NEGR1: variants seen among roughly 807,000 people sequenced by gnomAD.
NEGR1 encodes the protein IgLON family member 4.
Under a neutral mutation model 40.9 loss-of-function variants are expected in NEGR1, and 10 were observed. That is an observed-to-expected ratio of 0.24 (90% confidence interval 0.15 to 0.42). The LOEUF is 0.42. Ranked by LOEUF, NEGR1 falls within the 10% of genes least tolerant of loss-of-function variation. NEGR1 has a pLI of 1.00. For missense variants in NEGR1, 352 were observed against 438.9 expected, an observed-to-expected ratio of 0.80 and a Z score of 1.77; for synonymous variants, 185 against 166.8, an observed-to-expected ratio of 1.11 and a Z score of -0.84.
intron 1 of NEGR1, among the ~76,000 whole-genome samples, chr1:72,072,964 C>T (rs1647535041): frequency 2.0e-5 from 3 of 152,100 alleles, no homozygotes; most frequent in Non-Finnish European, 4.4e-5. Flanking sequence ...TTTGGTTTAG[C>T]TGCTGTCCAA....
At chr1:71,795,663 T>C (rs1172557962) in intron 2 of NEGR1, among the ~76,000 whole-genome samples, 1 of 152,160 alleles carries the variant, frequency 6.6e-6, no homozygotes, top group African/African-American at 2.4e-5. Flanking sequence ...TGTTACGTTG[T>C]ATAATATAAT....
chr1:71,988,516 G>A (rs559318343), intron 1 of NEGR1, among the ~76,000 whole-genome samples: 44 of 126,734 alleles, frequency 3.5e-4, no homozygotes, highest in African/African-American at 1.1e-3. Context: ...TCCGCAGTCC[G>A]TCCTGGGCGA....
chr1:71,979,428 A>C (rs1646335898), intron 1 of NEGR1, among the ~76,000 whole-genome samples: 1 of 152,166 alleles, frequency 6.6e-6, no homozygotes, highest in Non-Finnish European at 1.5e-5. Context: ...AAATAGAAAT[A>C]ATACCACTTC....
At position 71,646,899 on chromosome 1, in the gene NEGR1, A is replaced by G. The variant is rs565264966; in HGVS notation, c.668-35753T>C. On this transcript the variant is annotated intron_variant, in intron 4 of 6. Transcript: ENST00000357731. The stretch of plus-strand genomic sequence containing the variant: ...ATAAATTATTGTCCCTGCATATATT[A>G]ATATTTCTACTAATAATTATTATTT... Among the ~76,000 whole-genome samples, 7 of 151,914 alleles carry G rather than the reference A, an allele frequency of 4.6e-5. No individual in the cohort carries two copies. In the East Asian group the frequency reaches 1.4e-3, roughly 29 times the overall value.
intron 4 of NEGR1, among the ~76,000 whole-genome samples, chr1:71,669,615 C>T (rs577584521): frequency 4.6e-5 from 7 of 151,974 alleles, no homozygotes; most frequent in Non-Finnish European, 1.0e-4. Flanking sequence ...TTTTATTATT[C>T]TTACTTTTAT....
Position 71,842,804 on chromosome 1 carries a change from C to T in NEGR1, c.410-66507G>A, listed in dbSNP as rs550014215. Reference sequence around the variant, plus strand: ...GTTATCATTAAATTAACATCATTATCGTATATCTTAACTTAGCAAGCTCTG... The same window carrying T: ...GTTATCATTAAATTAACATCATTATTGTATATCTTAACTTAGCAAGCTCTG... On this transcript the variant is annotated intron_variant, in intron 2 of 6. Transcript: ENST00000357731. Among the ~76,000 whole-genome samples, 21 of 152,228 alleles carry T rather than the reference C, an allele frequency of 1.4e-4. No homozygotes were observed. The South Asian group carries it at 3.7e-3, about 27-fold the overall frequency.
At chr1:72,145,326 T>A (rs1650865879) in intron 1 of NEGR1, among the ~76,000 whole-genome samples, 1 of 152,168 alleles carries the variant, frequency 6.6e-6, no homozygotes, top group Admixed American at 6.6e-5. Flanking sequence ...AGTATTCCCA[T>A]GTAGTTTTAT....
chr1:72,043,079 T>C (rs1646970167), intron 1 of NEGR1, among the ~76,000 whole-genome samples: 1 of 151,866 alleles, frequency 6.6e-6, no homozygotes, highest in South Asian at 2.1e-4. Context: ...TAAAAGCAAA[T>C]ATCTGCTGTA....
intron 1 of NEGR1, among the ~76,000 whole-genome samples, chr1:72,034,244 G>A (rs974921831): frequency 1.3e-5 from 2 of 152,164 alleles, no homozygotes; most frequent in Admixed American, 6.5e-5. Flanking sequence ...AAACCACACA[G>A]GTGTGTTACT....
chr1:72,275,268 T>G, intron 1 of NEGR1: 1 of 540,076 alleles, frequency 1.9e-6, no homozygotes, highest in Non-Finnish European at 3.3e-6. Context: ...CCACATTTTT[T>G]TCTGTAATAG....
At chr1:71,975,171 G>A (rs528947188) in intron 1 of NEGR1, among the ~76,000 whole-genome samples, 54 of 152,266 alleles carry the variant, frequency 3.5e-4, no homozygotes, top group South Asian at 4.1e-4. Flanking sequence ...CATTCCTATG[G>A]TAAGGTAGAA....
chr1:71,619,446 A>G (rs890662648), intron 4 of NEGR1, among the ~76,000 whole-genome samples: 2 of 152,048 alleles, frequency 1.3e-5, no homozygotes, highest in African/African-American at 4.8e-5. Context: ...TTCTTTTTGT[A>G]TATATAGCCT....
chr1:71,622,511 T>A (rs1275705552), intron 4 of NEGR1, among the ~76,000 whole-genome samples: 1 of 151,968 alleles, frequency 6.6e-6, no homozygotes, highest in Non-Finnish European at 1.5e-5. Flanking sequence ...ACTCTTTAGA[T>A]CCCTGTAAAA....
chr1:71,537,040 C>T (rs1489510206), intron 6 of NEGR1, among the ~76,000 whole-genome samples: 1 of 151,642 alleles, frequency 6.6e-6, no homozygotes. Flanking sequence ...ACTTATTGAA[C>T]AGCTGTTGTA....
intron 2 of NEGR1, among the ~76,000 whole-genome samples, chr1:71,915,907 T>C (rs552129950): frequency 6.6e-6 from 1 of 152,258 alleles, no homozygotes; most frequent in South Asian, 2.1e-4. Context: ...CAGACTATGA[T>C]AGGACCGCCA....
intron 1 of NEGR1, among the ~76,000 whole-genome samples, chr1:72,054,459 C>T (rs953531041): frequency 6.6e-6 from 1 of 151,324 alleles, no homozygotes; most frequent in Non-Finnish European, 1.5e-5. Context: ...CTATAAGCTA[C>T]AGTGCATAGT....
intron 1 of NEGR1, among the ~76,000 whole-genome samples, chr1:72,281,994 C>A (rs1656271981): frequency 6.6e-6 from 1 of 152,166 alleles, no homozygotes; most frequent in East Asian, 1.9e-4. Flanking sequence ...TCCAGGAGTA[C>A]CCCATGACAG....
At chr1:72,150,369 G>T (rs1252025994) in intron 1 of NEGR1, among the ~76,000 whole-genome samples, 1 of 152,104 alleles carries the variant, frequency 6.6e-6, no homozygotes, top group Non-Finnish European at 1.5e-5. Flanking sequence ...AGGTGTAAAG[G>T]TTAAGGGGCT....
At chr1:72,021,625 A>G (rs970323859) in intron 1 of NEGR1, among the ~76,000 whole-genome samples, 6 of 152,186 alleles carry the variant, frequency 3.9e-5, no homozygotes, top group African/African-American at 1.4e-4. Flanking sequence ...TTATAACAAC[A>G]TATTTTAGGA....
Sources: gnomAD v4.1 joint callset for allele counts (sites outside exome capture counted in the v4.1 genomes callset) on GRCh38, gnomAD v4.1.1 for gene constraint, MANE v1.5 for transcripts, NCBI Gene and HGNC (gene_info 2026-07-23, HGNC 2026-07-21) for gene names.